Variants in PDSS2 observed in about 807,000 individuals in gnomAD.
The protein encoded by PDSS2 is all trans-polyprenyl-diphosphate synthase PDSS2.
A neutral mutation model predicts 44.5 loss-of-function variants in PDSS2; 31 were observed. That is an observed-to-expected ratio of 0.70 (90% CI 0.52 to 0.94). The LOEUF is 0.94. PDSS2 is among the 40% of genes least tolerant of loss of function. The pLI is 0.00. For missense variants in PDSS2, 452 were observed against 482.2 expected (o/e 0.94, Z 0.59); for synonymous variants, 157 against 180.3 (o/e 0.87, Z 1.03).
intron 4 of PDSS2, among the ~76,000 whole-genome samples, chr6:107,242,302 C>T (rs930837502): frequency 2.0e-5 from 3 of 152,044 alleles, no homozygotes; most frequent in Admixed American, 6.6e-5. Context: ...CTTGCTCTGT[C>T]GCCCAGGCTG....
At chr6:107,345,289 T>C (rs1451571159) in intron 1 of PDSS2, among the ~76,000 whole-genome samples, 1 of 150,448 alleles carries the variant, frequency 6.6e-6, no homozygotes, top group East Asian at 1.9e-4. Flanking sequence ...GCAAGAGAAC[T>C]ACTCACTTTA....
chr6:107,429,814 G>A (rs1781114656), intron 1 of PDSS2, among the ~76,000 whole-genome samples: 1 of 145,890 alleles, frequency 6.9e-6, no homozygotes, highest in African/African-American at 2.5e-5. Context: ...AAATCGGGAG[G>A]CGGAGGTTGC....
intron 7 of PDSS2, among the ~76,000 whole-genome samples, chr6:107,168,147 G>T (rs1168055198): frequency 3.3e-5 from 5 of 152,172 alleles, no homozygotes; most frequent in Non-Finnish European, 5.9e-5. Context: ...CTTGCTTTAT[G>T]AATCTGGGTG....
intron 6 of PDSS2, among the ~76,000 whole-genome samples, chr6:107,210,204 A>C (rs1436629475): frequency 6.6e-6 from 1 of 152,240 alleles, no homozygotes; most frequent in Non-Finnish European, 1.5e-5. Flanking sequence ...CACAGGCACT[A>C]GTTTTGTGTT....
chr6:107,170,265 A>C (rs1252386548), intron 7 of PDSS2, among the ~76,000 whole-genome samples: 1 of 152,134 alleles, frequency 6.6e-6, no homozygotes, highest in African/African-American at 2.4e-5. Flanking sequence ...AGGGCGTGGG[A>C]TCCTCTGAGC....
rs1465192941 is a variant in PDSS2 at position 107,281,467 on chromosome 6, G to T, written c.432-7240C>A. 2.0e-5 allele frequency among the ~76,000 whole-genome samples: 3 copies of T among 152,078 alleles called. No individual in the cohort carries two copies. The East Asian group carries it at 5.8e-4, about 29-fold the overall frequency. ...AATAAAAATTGTGACAAAAATAATAGACATCTCATGTTCATAATTCTGCAC... is the reference window on the plus strand; with the variant it reads ...AATAAAAATTGTGACAAAAATAATATACATCTCATGTTCATAATTCTGCAC... On this transcript the variant is annotated intron_variant, in intron 2 of 7. Transcript: ENST00000369037.
In PDSS2 at chr6:107,253,040, T is replaced by C. The variant is rs890896488; in HGVS notation, c.631-7421A>G. ...TACATATAAAAATGTTTGTGGTTTA[T>C]TTTATTATTTTTTGAGATAGAGTCT... On this transcript the variant is annotated intron_variant, in intron 3 of 7. Transcript: ENST00000369037. 3.9e-4 allele frequency among the ~76,000 whole-genome samples: 60 copies of C among 152,146 alleles called. 1 individual carries two copies. The highest frequency in any genetic ancestry group is 2.8e-4 in the Non-Finnish European group (19 of 68,024).
intron 7 of PDSS2, among the ~76,000 whole-genome samples, chr6:107,172,494 T>A (rs1212728332): frequency 7.9e-5 from 12 of 151,984 alleles, no homozygotes; most frequent in African/African-American, 2.9e-4. Context: ...AGGCAGAGGT[T>A]GCAGTGAGCT....
intron 3 of PDSS2, among the ~76,000 whole-genome samples, chr6:107,271,616 G>A (rs922142330): frequency 2.6e-5 from 4 of 152,194 alleles, no homozygotes; most frequent in African/African-American, 9.7e-5. Context: ...GAAAGAGTTA[G>A]CTGCCCCTAG....
intron 7 of PDSS2, among the ~76,000 whole-genome samples, chr6:107,174,426 T>A (rs7751585): frequency 0.022 from 3,380 of 152,262 alleles, 123 homozygotes; most frequent in African/African-American, 0.075. Flanking sequence ...TTGGAAGCCT[T>A]CAGTGACTGG....
At chr6:107,155,483 A>G (rs1554245390) in intron 7 of PDSS2, among the ~76,000 whole-genome samples, 1 of 151,992 alleles carries the variant, frequency 6.6e-6, no homozygotes, top group East Asian at 1.9e-4. Flanking sequence ...AGGCTTCACT[A>G]ATATCTTAGT....
chr6:107,282,168 A>G (rs1409402768), intron 2 of PDSS2, among the ~76,000 whole-genome samples: 2 of 152,180 alleles, frequency 1.3e-5, no homozygotes, highest in East Asian at 3.9e-4. Flanking sequence ...GGCCTCCTAA[A>G]GTGCTGGGAT....
chr6:107,328,731 A>G (rs1425120566), intron 2 of PDSS2, among the ~76,000 whole-genome samples: 3 of 152,366 alleles, frequency 2.0e-5, no homozygotes, highest in African/African-American at 7.2e-5. Context: ...CTGGGAAACA[A>G]TATCTCAGAG....
chr6:107,310,408 A>C (rs1213465598), intron 2 of PDSS2, among the ~76,000 whole-genome samples: 1 of 152,072 alleles, frequency 6.6e-6, no homozygotes, highest in Non-Finnish European at 1.5e-5. Context: ...AAAAGTAATC[A>C]CCATGCCCAG....
intron 1 of PDSS2, among the ~76,000 whole-genome samples, chr6:107,439,807 G>A (rs1421369213): frequency 6.6e-6 from 1 of 152,140 alleles, no homozygotes; most frequent in Non-Finnish European, 1.5e-5. Flanking sequence ...AGCATATTTG[G>A]ATGACTAGTG....
At chr6:107,379,152 CTCTT>C (rs1189752071) in intron 1 of PDSS2, among the ~76,000 whole-genome samples, 1 of 152,134 alleles carries the variant, frequency 6.6e-6, no homozygotes, top group Non-Finnish European at 1.5e-5. Flanking sequence ...TTCTTTTCTT[CTCTT>C]TATTATTTAT....
intron 1 of PDSS2, among the ~76,000 whole-genome samples, chr6:107,447,558 G>T (rs969038297): frequency 1.3e-5 from 2 of 152,266 alleles, no homozygotes; most frequent in African/African-American, 4.8e-5. Context: ...TCCATGTCAC[G>T]CTATTACAAG....
intron 1 of PDSS2, among the ~76,000 whole-genome samples, chr6:107,433,591 T>C (rs1781259469): frequency 1.3e-5 from 2 of 152,206 alleles, no homozygotes; most frequent in South Asian, 2.1e-4. Flanking sequence ...ACCAGACCTT[T>C]ATCTCTCACT....
intron 4 of PDSS2, among the ~76,000 whole-genome samples, chr6:107,221,956 G>A (rs972758381): frequency 3.9e-5 from 6 of 152,292 alleles, no homozygotes; most frequent in African/African-American, 1.4e-4. Flanking sequence ...TGCCTGTGAA[G>A]TTAAAAGTAC....
Sources: gnomAD v4.1 joint callset for allele counts (sites outside exome capture counted in the v4.1 genomes callset) on GRCh38, gnomAD v4.1.1 for gene constraint, MANE v1.5 for transcripts, NCBI Gene and HGNC (gene_info 2026-07-23, HGNC 2026-07-21) for gene names.